The following PCDHGB2 variants were observed in gnomAD, a reference collection of about 807,000 sequenced individuals.
PCDHGB2 encodes the protein protocadherin gamma subfamily B, 2.
In PCDHGB2, 55 loss-of-function variants were observed where a neutral mutation model predicts 59.3. The observed-to-expected ratio is 0.93, with a 90% CI of 0.75 to 1.16. The LOEUF (loss-of-function observed/expected upper bound fraction) is 1.16. PCDHGB2 is among the 50% of genes most tolerant of loss of function. The pLI, the probability that PCDHGB2 is intolerant of heterozygous loss-of-function variation, is 0.00. For synonymous variants in PCDHGB2, 516 were observed against 512.0 expected (o/e 1.01, Z -0.11); for missense variants, 1,228 against 1,198.5 (o/e 1.02, Z -0.36).
At chr5:141,393,246 A>G (rs1434145740) in intron 1 of PCDHGB2, 2 of 1,613,694 alleles carry the variant, frequency 1.2e-6, no homozygotes, top group Non-Finnish European at 1.7e-6. Flanking sequence ...AATTAACGAA[A>G]TCGCGGTTCC....
At chr5:141,370,622 C>G in intron 1 of PCDHGB2, 1 of 1,613,902 alleles carries the variant, frequency 6.2e-7, no homozygotes, top group South Asian at 1.1e-5. Context: ...AATTCTTTAC[C>G]GTGAGCCCCG....
intron 1 of PCDHGB2, among the ~76,000 whole-genome samples, chr5:141,481,049 C>A (rs1165894624): frequency 1.3e-5 from 2 of 152,096 alleles, no homozygotes; most frequent in Non-Finnish European, 2.9e-5. Context: ...CAGAGCGAGA[C>A]TCCACCTCAA....
intron 1 of PCDHGB2, chr5:141,375,550 C>T (rs770616547): frequency 2.5e-6 from 4 of 1,614,066 alleles, no homozygotes; most frequent in Middle Eastern, 1.6e-4. Context: ...AAGTCTCCTA[C>T]TCACTGGCAG....
chr5:141,435,059 G>A (rs2097741198), intron 1 of PCDHGB2, among the ~76,000 whole-genome samples: 1 of 152,042 alleles, frequency 6.6e-6, no homozygotes, highest in Non-Finnish European at 1.5e-5. Context: ...CCATGCAGCA[G>A]TTTTGTGTAG....
Position 141,360,413 on chromosome 5 carries a change from A to G in PCDHGB2, c.278A>G (p.Glu93Gly), listed in dbSNP as rs1295695057. 2 of 1,613,982 alleles carry G rather than the reference A, an allele frequency of 1.2e-6. No individual in the cohort carries two copies. The highest frequency in any genetic ancestry group is 3.3e-5 in the Admixed American group (2 of 60,024). Residue 93 changes from glutamate (E) to glycine (G), a missense_variant, in exon 1 of 4, where the codon GAA (glutamate) becomes GGA (glycine). Around this residue, in one of 3 missense-constraint regions of PCDHGB2, gnomAD observed 781 missense variants for 721.6 expected, o/e 1.08. Coordinates refer to ENST00000522605, the MANE Select transcript of PCDHGB2 (RefSeq NM_018923.3). ...DLLVSDRIDR[E>G]QICGKQPLCV... ...CTTGTGAGTGACAGAATAGACCGAG[A>G]ACAGATATGCGGGAAGCAGCCTCTG...
chr5:141,390,060 C>G, intron 1 of PCDHGB2: 3 of 1,614,082 alleles, frequency 1.9e-6, no homozygotes, highest in Non-Finnish European at 2.5e-6. Flanking sequence ...GAGCTGCTTC[C>G]AGCCTGGTCT....
chr5:141,487,391 A>C lies in PCDHGB2; in HGVS notation c.2422-7416A>C. 1 of 1,614,090 alleles carries C rather than the reference A, an allele frequency of 6.2e-7. No homozygotes were observed. The highest frequency in any genetic ancestry group is 1.1e-5 in the South Asian group (1 of 91,078). ...TGCCTGTCTCACCAGATCTCGAAGG[A>C]GGGAGGGGCTTCCCCCTTCCAATGG... On this transcript the variant is annotated intron_variant, in intron 1 of 3. Transcript: ENST00000522605. The surrounding 1 kb of genome is among the most constrained non-coding windows in gnomAD (Gnocchi z 5.0).
chr5:141,399,773 G>A (rs750173338), intron 1 of PCDHGB2: 3 of 1,613,302 alleles, frequency 1.9e-6, no homozygotes, highest in Admixed American at 1.7e-5. Flanking sequence ...GTGTTGGTGG[G>A]CGACCGAAAC....
chr5:141,432,128 T>C lies in PCDHGB2; in HGVS notation c.2422-62679T>C. 3 of 1,614,080 alleles carry C rather than the reference T, an allele frequency of 1.9e-6. No homozygotes were observed. Among genetic ancestry groups the C allele is most frequent in the Non-Finnish European group, 2.5e-6 (3 of 1,180,016 alleles). On this transcript the variant is annotated intron_variant, in intron 1 of 3. Coordinates refer to ENST00000522605, the MANE Select transcript of PCDHGB2 (RefSeq NM_018923.3). This position sits in a 1 kb window ranked among gnomAD's most constrained non-coding sequence, Gnocchi z 6.0. ...CCCGCCGGTCTTCCCTCAGGCCTCC[T>C]ATTCCGCTTATATCCCAGAGAACAA... is the stretch of plus-strand genomic sequence containing the variant.
At position 141,362,444 on chromosome 5, in the gene PCDHGB2, T is replaced by C; in HGVS notation, c.2309T>C (p.Ile770Thr). ...SAKTEFNFLN[I>T]TPELVPAQDL... ...AAGACAGAGTTCAATTTTCTGAACA[T>C]AACCCCGGAATTGGTTCCCGCGCAA... Residue 770 changes from isoleucine (I) to threonine (T), a missense_variant, in exon 1 of 4, where the codon ATA (isoleucine) becomes ACA (threonine). Around this residue, in one of 3 missense-constraint regions of PCDHGB2, gnomAD observed 433 missense variants for 441.8 expected, o/e 0.98. Coordinates refer to ENST00000522605, the MANE Select transcript of PCDHGB2 (RefSeq NM_018923.3). 2.5e-6 allele frequency: 4 copies of C among 1,614,058 alleles called. No individual in the cohort carries two copies. The highest frequency in any genetic ancestry group is 3.4e-6 in the Non-Finnish European group (4 of 1,179,908).
chr5:141,384,636 C>T (rs760530136), intron 1 of PCDHGB2: 4 of 1,614,202 alleles, frequency 2.5e-6, no homozygotes, highest in South Asian at 1.1e-5. Flanking sequence ...AGCTGGCACC[C>T]CGCTCCGCAG....
In PCDHGB2 at chr5:141,393,830, T is replaced by C. The variant is rs926004105; in HGVS notation, c.2421+31274T>C. The C allele has an allele frequency of 1.7e-5, 27 of 1,613,872 alleles. No homozygotes were observed. In the African/African-American group the frequency reaches 3.2e-4, roughly 19 times the overall value. On this transcript the variant is annotated intron_variant, in intron 1 of 3. Coordinates refer to ENST00000522605, the MANE Select transcript of PCDHGB2 (RefSeq NM_018923.3). ...CCAAATTGCTCATTTCGGTGGAAGA[T>C]GTAAATGACAATAGACCAGAAGTGA... is the stretch of plus-strand genomic sequence containing the variant.
At chr5:141,398,254 A>C (rs868152545) in intron 1 of PCDHGB2, 1 of 1,465,852 alleles carries the variant, frequency 6.8e-7, no homozygotes, top group East Asian at 2.5e-5. Context: ...GGAAATGCCC[A>C]AGGGCTCCGT....
At position 141,476,753 on chromosome 5, in the gene PCDHGB2, G is replaced by C; in HGVS notation, c.2422-18054G>C. On this transcript the variant is annotated intron_variant, in intron 1 of 3. Coordinates refer to ENST00000522605, the MANE Select transcript of PCDHGB2 (RefSeq NM_018923.3). This position sits in a 1 kb window ranked among gnomAD's most constrained non-coding sequence, Gnocchi z 7.6. Reference sequence around the variant, plus strand: ...AGAACGGGAGCCTAGTCTCCAGTTAGTGCTGACGGCGTTGGACGGAGGGAC... The same window carrying C: ...AGAACGGGAGCCTAGTCTCCAGTTACTGCTGACGGCGTTGGACGGAGGGAC... 3.1e-6 allele frequency: 5 copies of C among 1,614,012 alleles called. No individual in the cohort carries two copies. The highest frequency in any genetic ancestry group is 4.2e-6 in the Non-Finnish European group (5 of 1,180,030).
At chr5:141,419,299 C>T in intron 1 of PCDHGB2, 12 of 1,614,048 alleles carry the variant, frequency 7.4e-6, no homozygotes, top group Non-Finnish European at 1.0e-5. Flanking sequence ...CTGACCCAGA[C>T]TTCGGGCTCA....
intron 1 of PCDHGB2, among the ~76,000 whole-genome samples, chr5:141,436,150 T>A (rs1270913305): frequency 6.6e-6 from 1 of 152,182 alleles, no homozygotes; most frequent in African/African-American, 2.4e-5. Flanking sequence ...ACTACCAAAA[T>A]GTTTATCATA....
At chr5:141,443,090 C>T (rs1403922939) in intron 1 of PCDHGB2, among the ~76,000 whole-genome samples, 3 of 151,926 alleles carry the variant, frequency 2.0e-5, no homozygotes, top group Non-Finnish European at 2.9e-5. Context: ...TTCCAGTCTC[C>T]TTCTCAAGCT....
At chr5:141,409,847 C>T (rs2095325421) in intron 1 of PCDHGB2, 3 of 1,611,712 alleles carry the variant, frequency 1.9e-6, no homozygotes, top group East Asian at 2.2e-5. Context: ...CGTGAGCCTG[C>T]GCGTGTTGGT....
At chr5:141,413,221 G>C (rs1384304697) in intron 1 of PCDHGB2, 1 of 1,613,570 alleles carries the variant, frequency 6.2e-7, no homozygotes, top group South Asian at 1.1e-5. Context: ...GGATTGCAGC[G>C]GGCTGGTCCT....
Sources: gnomAD v4.1 joint callset for allele counts (sites outside exome capture counted in the v4.1 genomes callset) on GRCh38, gnomAD v4.1.1 for gene constraint, gnomAD v4.1.1 regional missense constraint, Gnocchi (gnomAD v3.1) non-coding constraint, MANE v1.5 for transcripts, NCBI Gene and HGNC (gene_info 2026-07-23, HGNC 2026-07-21) for gene names.